The following TOPBP1 variants were observed in gnomAD, a reference collection of about 807,000 sequenced individuals.
TOPBP1 encodes DNA topoisomerase II binding protein 1.
In TOPBP1, 28 loss-of-function variants were observed where a neutral mutation model predicts 167.7. The observed-to-expected ratio is 0.17, with a 90% CI of 0.12 to 0.23. The LOEUF (loss-of-function observed/expected upper bound fraction) is 0.23. TOPBP1 is among the 10% of genes least tolerant of loss of function. The pLI is 1.00. For synonymous variants in TOPBP1, 598 were observed against 611.4 expected (o/e 0.98, Z 0.32); for missense variants, 1,554 against 1,809.6 (o/e 0.86, Z 2.56).
At chr3:133,628,829 G>C (rs1054242708) in intron 14 of TOPBP1, 96 bp from the exon 15 acceptor site, 26 of 1,244,278 alleles carry the variant, frequency 2.1e-5, no homozygotes, top group Non-Finnish European at 2.8e-5. Context: ...GAGGAGGAGA[G>C]AGGGGTAAAG....
chr3:133,629,977 A>G (rs1935412608), intron 14 of TOPBP1, among the ~76,000 whole-genome samples: 1 of 151,922 alleles, frequency 6.6e-6, no homozygotes, highest in South Asian at 2.1e-4. Flanking sequence ...TAGTAGAGAC[A>G]GGGTTTCACC....
intron 10 of TOPBP1, among the ~76,000 whole-genome samples, chr3:133,648,770 C>T (rs570613474): frequency 6.6e-6 from 1 of 152,076 alleles, no homozygotes; most frequent in African/African-American, 2.4e-5. Context: ...TACACTCCAG[C>T]CTGCGCAACA....
intron 7 of TOPBP1, among the ~76,000 whole-genome samples, chr3:133,653,129 C>T (rs751006033): frequency 1.3e-5 from 2 of 152,156 alleles, no homozygotes; most frequent in Non-Finnish European, 2.9e-5. Flanking sequence ...TGCATTACAA[C>T]AGAGTATAAA....
At chr3:133,617,523 T>A in intron 21 of TOPBP1, 197 bp from the exon 22 acceptor site, 1 of 473,666 alleles carries the variant, frequency 2.1e-6, no homozygotes, top group Middle Eastern at 5.9e-4. Context: ...ATAATAACAA[T>A]AAAGAAAAAA....
At position 133,628,715 on chromosome 3, in the gene TOPBP1, C is replaced by T; in HGVS notation, c.2539G>A (p.Glu847Lys). 6.4e-7 allele frequency: 1 copy of T among 1,552,468 alleles called. No individual in the cohort carries two copies. ...FDVKDALAAL[E>K]TPGRPSQQKR... ...TGTTGGCTGGGACGTCCTGGAGTTT[C>T]CAAGGCTGCAAGTGCATCCTATACA... Residue 847 changes from glutamate (E) to lysine (K), a missense_variant, in exon 15 of 28, where the codon GAA becomes AAA. Glu to Lys is a moderately conservative substitution (Grantham distance 56). Coordinates refer to ENST00000260810, the MANE Select transcript of TOPBP1 (RefSeq NM_007027.4).
At position 133,620,232 on chromosome 3, in the gene TOPBP1, A is replaced by G. The variant is rs1209112919; in HGVS notation, c.3294T>C (p.Gly1098=). ...QGQRTSLSRS[G]CNSASSTPDS... ...CAGGGGTTGAAGATGCGCTGTTACA[A>G]CCACTTCTTGAAAGGGAAGTCCTCT... The change falls in exon 20 of 28, where the codon GGT becomes GGC. Residue 1098 remains glycine (G), a synonymous_variant. Coordinates refer to ENST00000260810, the MANE Select transcript of TOPBP1 (RefSeq NM_007027.4). The G allele has an allele frequency of 2.5e-6, 4 of 1,613,816 alleles. No homozygotes were observed. Among genetic ancestry groups the G allele is most frequent in the Non-Finnish European group, 3.4e-6 (4 of 1,179,884 alleles).
chr3:133,603,115 C>G (rs974121162), intron 27 of TOPBP1, among the ~76,000 whole-genome samples: 6 of 151,966 alleles, frequency 3.9e-5, no homozygotes, highest in African/African-American at 1.4e-4. Context: ...AGGCTGGTCT[C>G]GAAATCCTGA....
chr3:133,619,397 TAATTC>T (rs1195373053), intron 20 of TOPBP1, among the ~76,000 whole-genome samples: 3 of 152,180 alleles, frequency 2.0e-5, no homozygotes, highest in African/African-American at 7.2e-5. Context: ...ATCTTATACT[TAATTC>T]AATTAGTCAA....
intron 17 of TOPBP1, 71 bp from the exon 18 acceptor site, chr3:133,623,528 A>G: frequency 6.7e-7 from 1 of 1,482,102 alleles, no homozygotes; most frequent in Non-Finnish European, 9.0e-7. Context: ...TAAGTAGGAT[A>G]AGGACAAGCA....
At chr3:133,612,711 CATAT>C (rs368202260) in intron 23 of TOPBP1, among the ~76,000 whole-genome samples, 159 bp from the exon 24 acceptor site, 2 of 152,000 alleles carry the variant, frequency 1.3e-5, no homozygotes, top group East Asian at 3.9e-4. Context: ...ACTTTATATA[CATAT>C]ATATATGTAT....
At chr3:133,619,471 C>T (rs1234528930) in intron 20 of TOPBP1, among the ~76,000 whole-genome samples, 2 of 151,996 alleles carry the variant, frequency 1.3e-5, no homozygotes, top group South Asian at 2.1e-4. Context: ...TCTTCTATCA[C>T]GAAAAAGATG....
chr3:133,604,439 G>A (rs1934423421), intron 27 of TOPBP1, among the ~76,000 whole-genome samples: 1 of 151,732 alleles, frequency 6.6e-6, no homozygotes, highest in Non-Finnish European at 1.5e-5. Flanking sequence ...GCCCAGCCAG[G>A]AATAAACTTA....
At chr3:133,657,724 C>T in intron 4 of TOPBP1, 74 bp downstream of exon 4, 1 of 1,268,798 alleles carries the variant, frequency 7.9e-7, no homozygotes, top group South Asian at 2.3e-5. Context: ...TTTAAGCTAT[C>T]TTCTATGCAG....
rs749461108 is a variant in TOPBP1, at chr3:133,644,240, T to A, written c.1628A>T (p.Asp543Val). The change falls in exon 11 of 28, where the codon GAT becomes GTT. Residue 543 changes from aspartate to valine, a missense_variant. Asp to Val is a radical substitution (Grantham distance 152). Coordinates refer to ENST00000260810, the MANE Select transcript of TOPBP1 (RefSeq NM_007027.4). The part of the protein sequence containing the change: ...NQSSVSHCVP[D>V]VSTITEEGLF... ...GCCTTCTTCAGTAATTGTAGAAACA[T>A]CAGGGACACAATGACTGACAGAAGA... 6.2e-7 allele frequency: 1 copy of A among 1,613,876 alleles called. No individual in the cohort carries two copies. The highest frequency in any genetic ancestry group is 1.1e-5 in the South Asian group (1 of 91,062).
At chr3:133,643,496 G>T in intron 11 of TOPBP1, 124 bp from the exon 12 acceptor site, 1 of 703,124 alleles carries the variant, frequency 1.4e-6, no homozygotes, top group Non-Finnish European at 2.3e-6. Flanking sequence ...ATACAAACTT[G>T]TGTATGCTCA....
intron 10 of TOPBP1, among the ~76,000 whole-genome samples, chr3:133,648,231 C>A (rs1449426638): frequency 6.6e-6 from 1 of 151,984 alleles, no homozygotes; most frequent in Non-Finnish European, 1.5e-5. Flanking sequence ...GTATACCCAG[C>A]CGAAGAGTCT....
chr3:133,621,359 T>C (rs1576289497), intron 19 of TOPBP1, among the ~76,000 whole-genome samples: 1 of 152,090 alleles, frequency 6.6e-6, no homozygotes, highest in Non-Finnish European at 1.5e-5. Flanking sequence ...CATCCAGCCC[T>C]CCACATCCAC....
intron 13 of TOPBP1, 76 bp downstream of exon 13, chr3:133,639,883 C>T: frequency 1.4e-6 from 2 of 1,448,766 alleles, no homozygotes; most frequent in Non-Finnish European, 9.4e-7. Flanking sequence ...TTCCTAAACA[C>T]AAGCATTGGC....
In TOPBP1 at chr3:133,656,945, T is replaced by TCTCATAAATACATAATACATTCAAA. The variant is rs1473064288; in HGVS notation, c.364-89_364-88insTTTGAATGTATTATGTATTTATGAG. On this transcript the variant is annotated intron_variant, in intron 4 of 27. Transcript: ENST00000260810. ...ACTATCTCATAAATACATTTTGCTG[T>TCTCATAAATACATAATACATTCAAA]TGACAGTTTGAATACATAAGTGTTA... The TCTCATAAATACATAATACATTCAAA allele has an allele frequency of 4.2e-6, 5 of 1,200,288 alleles. No individual in the cohort carries two copies. In the African/African-American group the frequency reaches 7.8e-5, roughly 19 times the overall value. The allele number at this position is 1,200,288 out of a possible 1,614,324, so 74.4% of individuals were successfully genotyped here.
Sources: gnomAD v4.1 joint callset for allele counts (sites outside exome capture counted in the v4.1 genomes callset) on GRCh38, gnomAD v4.1.1 for gene constraint, MANE v1.5 for transcripts, NCBI Gene and HGNC (gene_info 2026-07-23, HGNC 2026-07-21) for gene names.